Variants in BICD1 observed in about 807,000 individuals in gnomAD.
BICD1 encodes protein bicaudal D homolog 1.
A neutral mutation model predicts 92.5 loss-of-function variants in BICD1; 35 were observed. The ratio of observed to expected loss-of-function variants is 0.38; its 90% CI spans 0.29 to 0.50. The LOEUF (loss-of-function observed/expected upper bound fraction) is 0.50. BICD1 is among the 20% of genes least tolerant of loss of function. The pLI, the probability that BICD1 is intolerant of heterozygous loss-of-function variation, is 0.93. For synonymous variants in BICD1, 429 were observed against 465.1 expected, an observed-to-expected ratio of 0.92 and a Z score of 1.00; for missense variants, 950 against 1,189.8, an observed-to-expected ratio of 0.80 and a Z score of 2.97.
At chr12:32,347,720 A>T (rs1938684056) in intron 8 of BICD1, among the ~76,000 whole-genome samples, 1 of 152,166 alleles carries the variant, frequency 6.6e-6, no homozygotes, top group African/African-American at 2.4e-5. Context: ...TTGTCAATAT[A>T]AAAACTTAAT....
At chr12:32,339,053 T>G in intron 8 of BICD1, 74 bp downstream of exon 8, 1 of 1,455,086 alleles carries the variant, frequency 6.9e-7, no homozygotes, top group African/African-American at 1.5e-5. Flanking sequence ...TTCCGGTCAC[T>G]CAGGCTCACC....
At chr12:32,375,251 G>C (rs950790102) in intron 9 of BICD1, among the ~76,000 whole-genome samples, 1 of 151,946 alleles carries the variant, frequency 6.6e-6, no homozygotes, top group Non-Finnish European at 1.5e-5. Context: ...AAATGAGGCC[G>C]GGCACGGTGG....
Position 32,252,114 on chromosome 12 carries a change from AT to A in BICD1, c.426+35657del, listed in dbSNP as rs1286123988. ...TATATATTTATAATAAATATTATAT[AT>A]TATATATTTATAATAAATATTATAT... On this transcript the variant is annotated intron_variant, in intron 2 of 9. Transcript: ENST00000652176. 7.0e-4 allele frequency among the ~76,000 whole-genome samples: 73 copies of A among 103,554 alleles called. 16 individuals carry two copies. The highest frequency in any genetic ancestry group is 3.0e-3 in the Admixed American group (25 of 8,328). The allele number at this position is 103,554 out of a possible 152,430, so 67.9% of individuals were successfully genotyped here. A position where few individuals can be genotyped will look rare whatever the true frequency, so the allele number is the denominator to read the frequency against.
At chr12:32,127,522 G>A (rs1942387535) in intron 1 of BICD1, among the ~76,000 whole-genome samples, 2 of 152,116 alleles carry the variant, frequency 1.3e-5, no homozygotes, top group Admixed American at 1.3e-4. Flanking sequence ...TGTTACATTG[G>A]TTTGTTGGTC....
chr12:32,251,065 A>C (rs1455986261), intron 2 of BICD1, among the ~76,000 whole-genome samples: 1 of 151,816 alleles, frequency 6.6e-6, no homozygotes. Context: ...CCTATATAAA[A>C]TTTTCTCCTT....
chr12:32,213,316 A>T (rs1945268816), intron 1 of BICD1, among the ~76,000 whole-genome samples: 1 of 152,158 alleles, frequency 6.6e-6, no homozygotes, highest in African/African-American at 2.4e-5. Context: ...TTTTCTTAGG[A>T]TAAGAATTAG....
rs749446989 is a variant in BICD1 at position 32,198,330 on chromosome 12, C to CTATATATATA, written c.214-17903_214-17894dup. Among the ~76,000 whole-genome samples, 548 of 117,720 alleles carry CTATATATATA rather than the reference C, an allele frequency of 4.7e-3. 8 individuals carry two copies. Among genetic ancestry groups the CTATATATATA allele is most frequent in the Non-Finnish European group, 5.6e-3 (332 of 59,378 alleles). The allele number at this position is 117,720 out of a possible 152,430, so 77.2% of individuals were successfully genotyped here. A position where few individuals can be genotyped will look rare whatever the true frequency, so the allele number is the denominator to read the frequency against. On this transcript the variant is annotated intron_variant, in intron 1 of 9. Coordinates refer to ENST00000652176, the MANE Select transcript of BICD1 (RefSeq NM_001714.4). The stretch of plus-strand genomic sequence containing the variant: ...GATTATGGGAATAATATGCATCTAT[C>CTATATATATA]TATATATATATATATATATATATTC...
chr12:32,359,418 A>G (rs1375386399), intron 8 of BICD1, among the ~76,000 whole-genome samples: 1 of 152,144 alleles, frequency 6.6e-6, no homozygotes, highest in Admixed American at 6.5e-5. Flanking sequence ...AGAGTCCCAA[A>G]GTGGTGCAGG....
intron 4 of BICD1, among the ~76,000 whole-genome samples, chr12:32,325,817 ATAATCTTTGGGAGTG>A (rs1440559838): frequency 1.3e-5 from 2 of 152,068 alleles, no homozygotes; most frequent in South Asian, 2.1e-4. Context: ...GCTCACGCCT[ATAATCTTTGGGAGTG>A]TAATCTTTGG....
intron 1 of BICD1, among the ~76,000 whole-genome samples, chr12:32,198,141 G>A (rs1944778701): frequency 6.6e-6 from 1 of 151,732 alleles, no homozygotes; most frequent in South Asian, 2.1e-4. Flanking sequence ...GGAGGCAGAG[G>A]TTGCGGTGAG....
chr12:32,368,021 G>T, intron 9 of BICD1: 1 of 321,580 alleles, frequency 3.1e-6, no homozygotes, highest in East Asian at 5.0e-5. Context: ...TTAGTCCACT[G>T]TTTCATTCCT....
At position 32,224,845 on chromosome 12, in the gene BICD1, G is replaced by T. The variant is rs965394478; in HGVS notation, c.426+8386G>T. ...GCCTCCTGAGTAGCTAGGATTACAG[G>T]TGTGCACCACTACACTTGGCTAAAT... On this transcript the variant is annotated intron_variant, in intron 2 of 9. Transcript: ENST00000652176. 2.9e-4 allele frequency among the ~76,000 whole-genome samples: 44 copies of T among 152,120 alleles called. 1 individual carries two copies. Among genetic ancestry groups the T allele is most frequent in the African/African-American group, 9.2e-4 (38 of 41,422 alleles).
At chr12:32,324,875 G>A (rs1948740539) in intron 4 of BICD1, among the ~76,000 whole-genome samples, 1 of 152,128 alleles carries the variant, frequency 6.6e-6, no homozygotes, top group Non-Finnish European at 1.5e-5. Flanking sequence ...ACCACACCCG[G>A]CCATACTGTA....
At chr12:32,126,868 C>A (rs536626205) in intron 1 of BICD1, among the ~76,000 whole-genome samples, 1 of 152,182 alleles carries the variant, frequency 6.6e-6, no homozygotes, top group African/African-American at 2.4e-5. Flanking sequence ...CACTTCATAC[C>A]TTGTGGCTCT....
chr12:32,142,311 CAGG>C (rs1942949540), intron 1 of BICD1, among the ~76,000 whole-genome samples: 1 of 144,262 alleles, frequency 6.9e-6, no homozygotes, highest in South Asian at 2.2e-4. Flanking sequence ...GAGGCTGAGA[CAGG>C]AGAATCGCTT....
intron 2 of BICD1, among the ~76,000 whole-genome samples, chr12:32,284,000 TC>T (rs1947489194): frequency 6.6e-6 from 1 of 152,210 alleles, no homozygotes; most frequent in Admixed American, 6.5e-5. Flanking sequence ...CCCCTTTCCT[TC>T]CCTGCCCTCC....
intron 9 of BICD1, 74 bp from the exon 10 acceptor site, chr12:32,377,466 T>C (rs1940016678): frequency 2.6e-6 from 3 of 1,159,758 alleles, no homozygotes; most frequent in Non-Finnish European, 3.9e-6. Context: ...CAAAAATATC[T>C]CGTCTAACCC....
At chr12:32,122,485 T>C (rs1342580633) in intron 1 of BICD1, among the ~76,000 whole-genome samples, 1 of 45,160 alleles carries the variant, frequency 2.2e-5, no homozygotes, top group Non-Finnish European at 3.8e-5. Context: ...CAAGACTCCG[T>C]TTCAAAAAAA....
At chr12:32,220,363 C>A (rs576767209) in intron 2 of BICD1, among the ~76,000 whole-genome samples, 1 of 152,138 alleles carries the variant, frequency 6.6e-6, no homozygotes, top group Admixed American at 6.5e-5. Context: ...GGGCTGATAT[C>A]CAGAATCTGC....
Sources: allele counts gnomAD v4.1 joint callset (sites outside exome capture counted in the v4.1 genomes callset), GRCh38; gene constraint gnomAD v4.1.1; transcripts MANE v1.5; gene names NCBI Gene and HGNC (gene_info 2026-07-23, HGNC 2026-07-21).